Variants in SORCS3 observed in about 807,000 individuals in gnomAD.
SORCS3 encodes VPS10 domain-containing receptor SorCS3.
Under a neutral mutation model 146.3 loss-of-function variants are expected in SORCS3, and 57 were observed. That is an observed-to-expected ratio of 0.39 (90% CI 0.31 to 0.49). The LOEUF is 0.49. SORCS3 is among the 20% of genes least tolerant of loss of function. The probability of loss-of-function intolerance (pLI) is 0.92; values close to 1 mark genes in which losing one functional copy is unlikely to be tolerated. For synonymous variants in SORCS3, 653 were observed against 618.5 expected (o/e 1.06, Z -0.83); for missense variants, 1,341 against 1,575.5 (o/e 0.85, Z 2.52).
At chr10:104,968,888 A>G (rs1448790693) in intron 3 of SORCS3, among the ~76,000 whole-genome samples, 1 of 152,190 alleles carries the variant, frequency 6.6e-6, no homozygotes, top group East Asian at 1.9e-4. Context: ...AATTTTAAAT[A>G]TTTTGAGGGA....
chr10:104,884,251 T>A lies in SORCS3; in HGVS notation c.696-31582T>A, dbSNP rs188571356. Among the ~76,000 whole-genome samples, 76 of 152,326 alleles carry A rather than the reference T, an allele frequency of 5.0e-4. 1 individual carries two copies. In the East Asian group the frequency reaches 0.014, roughly 27 times the overall value. On this transcript the variant is annotated intron_variant, in intron 2 of 26. Coordinates refer to ENST00000369701, the MANE Select transcript of SORCS3 (RefSeq NM_014978.3). ...TTTAAAGGAGAGAGGAGACATTTAATGTAAGTATGCTTTTGTCACTCAGTT... is the reference window on the plus strand; with the variant it reads ...TTTAAAGGAGAGAGGAGACATTTAAAGTAAGTATGCTTTTGTCACTCAGTT...
At chr10:105,056,883 G>A (rs892889089) in intron 5 of SORCS3, among the ~76,000 whole-genome samples, 1 of 152,072 alleles carries the variant, frequency 6.6e-6, no homozygotes, top group Non-Finnish European at 1.5e-5. Flanking sequence ...TTGTACACAT[G>A]AAAATAATTT....
intron 3 of SORCS3, among the ~76,000 whole-genome samples, chr10:104,974,849 A>T (rs1419534132): frequency 1.3e-5 from 2 of 151,920 alleles, no homozygotes; most frequent in Non-Finnish European, 2.9e-5. Flanking sequence ...GTTCCTTTCC[A>T]TGTTTAGTGC....
intron 3 of SORCS3, among the ~76,000 whole-genome samples, chr10:104,931,411 C>T (rs2864036): frequency 0.088 from 13,349 of 152,234 alleles, 727 homozygotes; most frequent in South Asian, 0.25. Flanking sequence ...GCAGCAGAAA[C>T]GGCCAGGTCA....
At chr10:105,219,784 A>G (rs2056688144) in intron 19 of SORCS3, among the ~76,000 whole-genome samples, 1 of 152,212 alleles carries the variant, frequency 6.6e-6, no homozygotes, top group African/African-American at 2.4e-5. Context: ...GACTTGCCTC[A>G]CCCACATTTC....
intron 1 of SORCS3, among the ~76,000 whole-genome samples, chr10:104,794,657 G>A (rs867928372): frequency 6.2e-5 from 7 of 113,574 alleles, no homozygotes; most frequent in African/African-American, 1.1e-4. Context: ...GAGAGAGAGA[G>A]AGAATATTAT....
chr10:105,108,096 A>C (rs938204027), intron 7 of SORCS3, among the ~76,000 whole-genome samples: 3 of 152,218 alleles, frequency 2.0e-5, no homozygotes, highest in Non-Finnish European at 2.9e-5. Flanking sequence ...ATGAATAAAA[A>C]TAAATCAGGG....
intron 4 of SORCS3, among the ~76,000 whole-genome samples, chr10:105,008,248 T>G (rs1304604284): frequency 1.3e-5 from 2 of 152,214 alleles, no homozygotes; most frequent in Non-Finnish European, 2.9e-5. Flanking sequence ...ACAAGACACC[T>G]TGTCTTTTCT....
intron 8 of SORCS3, among the ~76,000 whole-genome samples, chr10:105,144,753 A>G (rs1444470614): frequency 1.3e-5 from 2 of 152,128 alleles, no homozygotes; most frequent in African/African-American, 2.4e-5. Flanking sequence ...CTCAGGACCA[A>G]CAAGTAAGGC....
At chr10:104,877,281 T>C (rs2018586137) in intron 2 of SORCS3, among the ~76,000 whole-genome samples, 1 of 152,164 alleles carries the variant, frequency 6.6e-6, no homozygotes, top group Admixed American at 6.6e-5. Context: ...TAAATGTCTT[T>C]CTTTCCACCC....
At chr10:105,155,687 C>G (rs959625581) in intron 9 of SORCS3, among the ~76,000 whole-genome samples, 3 of 152,210 alleles carry the variant, frequency 2.0e-5, no homozygotes, top group Non-Finnish European at 4.4e-5. Context: ...ATGGCCCTGA[C>G]TTTAAGCCAT....
intron 3 of SORCS3, among the ~76,000 whole-genome samples, chr10:104,924,410 C>G (rs909478018): frequency 5.3e-5 from 8 of 152,194 alleles, no homozygotes; most frequent in Non-Finnish European, 1.2e-4. Context: ...TAGCATTCCA[C>G]GTCGGTCCTG....
At chr10:105,215,117 G>A (rs2056657416) in intron 18 of SORCS3, among the ~76,000 whole-genome samples, 1 of 152,196 alleles carries the variant, frequency 6.6e-6, no homozygotes, top group African/African-American at 2.4e-5. Context: ...TATAAAGAAT[G>A]TTGTATTAGT....
At chr10:105,156,399 A>G (rs182443568) in intron 9 of SORCS3, among the ~76,000 whole-genome samples, 1 of 152,250 alleles carries the variant, frequency 6.6e-6, no homozygotes, top group East Asian at 1.9e-4. Context: ...TGGGTGATAA[A>G]TCTCCTTTAA....
intron 1 of SORCS3, chr10:104,664,637 A>G (rs2015745723): frequency 6.6e-6 from 1 of 152,180 alleles, no homozygotes; most frequent in Admixed American, 6.5e-5. Flanking sequence ...TTTATTTTGG[A>G]GTAGTTGAAG....
At chr10:105,085,500 G>T (rs902714993) in intron 5 of SORCS3, among the ~76,000 whole-genome samples, 1 of 152,234 alleles carries the variant, frequency 6.6e-6, no homozygotes, top group Non-Finnish European at 1.5e-5. Flanking sequence ...CTAATCCTGA[G>T]CAGTGCTGGA....
intron 3 of SORCS3, among the ~76,000 whole-genome samples, chr10:104,928,702 G>A (rs186882316): frequency 1.3e-3 from 196 of 152,218 alleles, no homozygotes; most frequent in African/African-American, 4.1e-3. Context: ...TGGGATCCTC[G>A]GGTCTGCCAG....
intron 2 of SORCS3, among the ~76,000 whole-genome samples, chr10:104,876,540 A>C (rs1439207191): frequency 1.3e-5 from 2 of 152,198 alleles, no homozygotes; most frequent in African/African-American, 4.8e-5. Flanking sequence ...GGATGCTGTG[A>C]AAGAGAGAGC....
intron 7 of SORCS3, among the ~76,000 whole-genome samples, chr10:105,129,896 A>G (rs1270456063): frequency 1.3e-5 from 2 of 152,124 alleles, no homozygotes; most frequent in Non-Finnish European, 1.5e-5. Context: ...TCTATCCTTT[A>G]TCCCTGATCA....
Sources: allele counts gnomAD v4.1 joint callset (sites outside exome capture counted in the v4.1 genomes callset), GRCh38; gene constraint gnomAD v4.1.1; transcripts MANE v1.5; gene names NCBI Gene and HGNC (gene_info 2026-07-23, HGNC 2026-07-21).